Variants in PCDHGB5 observed in about 807,000 individuals in gnomAD.
The protein encoded by PCDHGB5 is protocadherin gamma subfamily B, 5.
PCDHGB5 carries 48 observed loss-of-function variants against 62.9 expected under a neutral mutation model. That is an observed-to-expected ratio of 0.76 (90% CI 0.61 to 0.97). The LOEUF (loss-of-function observed/expected upper bound fraction) is 0.97, where lower values mean the gene tolerates loss of function less well. PCDHGB5 is among the 50% of genes least tolerant of loss of function. PCDHGB5 has a pLI of 0.00. For missense variants in PCDHGB5, 1,118 were observed against 1,198.6 expected, an observed-to-expected ratio of 0.93 and a Z score of 0.99; for synonymous variants, 474 against 511.2, an observed-to-expected ratio of 0.93 and a Z score of 0.98.
chr5:141,462,243 A>C (rs141980823), intron 1 of PCDHGB5, among the ~76,000 whole-genome samples: 70 of 152,368 alleles, frequency 4.6e-4, no homozygotes, highest in African/African-American at 1.6e-3. Flanking sequence ...TACAGGTATG[A>C]GCCACCATGA....
chr5:141,418,906 C>T, intron 1 of PCDHGB5: 1 of 1,613,908 alleles, frequency 6.2e-7, no homozygotes, highest in Non-Finnish European at 8.5e-7. Flanking sequence ...AAATAATCAT[C>T]ACGTCACTCT....
Position 141,431,479 on chromosome 5 carries a change from A to T in PCDHGB5, c.2397+30955A>T. 1 of 1,613,892 alleles carries T rather than the reference A, an allele frequency of 6.2e-7. No individual in the cohort carries two copies. Among genetic ancestry groups the T allele is most frequent in the South Asian group, 1.1e-5 (1 of 91,092 alleles). On this transcript the variant is annotated intron_variant, in intron 1 of 3. Transcript: ENST00000617380. This position sits in a 1 kb window ranked among gnomAD's most constrained non-coding sequence, Gnocchi z 4.8. ...TTCTGGATGCGAACGACAACGCACC[A>T]GCGTTTGCTCAGCCCGAGTACCGCG...
rs1407225048 is a variant in PCDHGB5 at position 141,489,600 on chromosome 5, G to T, written c.2398-5207G>T. On this transcript the variant is annotated intron_variant, in intron 1 of 3. Coordinates refer to ENST00000617380, the MANE Select transcript of PCDHGB5 (RefSeq NM_018925.3). The surrounding 1 kb of genome is among the most constrained non-coding windows in gnomAD (Gnocchi z 4.5). ...ACCCCCTGGAGCTAATCCGTGTAGA[G>T]GTAGAGATCCTGGATCTCAATGACA... The T allele has an allele frequency of 7.4e-6, 12 of 1,613,916 alleles. 1 individual carries two copies. In the South Asian group the frequency reaches 1.2e-4, roughly 16 times the overall value.
chr5:141,487,377 C>T lies in PCDHGB5; in HGVS notation c.2398-7430C>T, dbSNP rs758216933. Reference sequence around the variant, plus strand: ...CCTGCTGGCACCTGTGCCTGTCTCACCAGATCTCGAAGGAGGGAGGGGCTT... The same window carrying T: ...CCTGCTGGCACCTGTGCCTGTCTCATCAGATCTCGAAGGAGGGAGGGGCTT... On this transcript the variant is annotated intron_variant, in intron 1 of 3. Transcript: ENST00000617380. The surrounding 1 kb of genome is among the most constrained non-coding windows in gnomAD (Gnocchi z 5.0). 6.2e-7 allele frequency: 1 copy of T among 1,614,190 alleles called. No homozygotes were observed. Among genetic ancestry groups the T allele is most frequent in the Non-Finnish European group, 8.5e-7 (1 of 1,180,034 alleles).
chr5:141,411,001 C>G lies in PCDHGB5; in HGVS notation c.2397+10477C>G, dbSNP rs2095456042. 1.8e-5 allele frequency: 3 copies of G among 168,822 alleles called. No individual in the cohort carries two copies. The South Asian group carries it at 4.7e-4, about 26-fold the overall frequency. The allele number at this position is 168,822 out of a possible 1,614,324, so 10.5% of individuals were successfully genotyped here. ...CCCAAGTAGCTGGGATTACTGGTGC[C>G]CCTCACCACAGCTAAATTTTTTGTA... On this transcript the variant is annotated intron_variant, in intron 1 of 3. Coordinates refer to ENST00000617380, the MANE Select transcript of PCDHGB5 (RefSeq NM_018925.3).
At chr5:141,492,241 C>T (rs1351937353) in intron 1 of PCDHGB5, among the ~76,000 whole-genome samples, 1 of 152,186 alleles carries the variant, frequency 6.6e-6, no homozygotes, top group African/African-American at 2.4e-5. Flanking sequence ...TGCTGGCCAC[C>T]CCCACGGCCC....
rs776854254 is a variant in PCDHGB5 at position 141,487,285 on chromosome 5, C to T, written c.2398-7522C>T. On this transcript the variant is annotated intron_variant, in intron 1 of 3. Coordinates refer to ENST00000617380, the MANE Select transcript of PCDHGB5 (RefSeq NM_018925.3). This position sits in a 1 kb window ranked among gnomAD's most constrained non-coding sequence, Gnocchi z 5.0. The stretch of plus-strand genomic sequence containing the variant: ...CCCTAGTGGCAATTTGCTTTGTCTC[C>T]TTTGGCTCATTCGTGGCACTACTCT... 8 of 1,614,148 alleles carry T rather than the reference C, an allele frequency of 5.0e-6. No homozygotes were observed. The highest frequency in any genetic ancestry group is 6.8e-6 in the Non-Finnish European group (8 of 1,180,036).
intron 1 of PCDHGB5, chr5:141,403,291 A>T: frequency 6.2e-7 from 1 of 1,613,918 alleles, no homozygotes; most frequent in Non-Finnish European, 8.5e-7. Flanking sequence ...TTGAAGACAG[A>T]GTGAAACTGT....
chr5:141,476,564 C>G lies in PCDHGB5; in HGVS notation c.2398-18243C>G, dbSNP rs2099393821. 1.2e-6 allele frequency: 2 copies of G among 1,614,196 alleles called. No individual in the cohort carries two copies. Among genetic ancestry groups the G allele is most frequent in the South Asian group, 1.1e-5 (1 of 91,086 alleles). ...ATTGGAGATTAGCGAGGCCGTGGCT[C>G]CGGGGACGCGCTTTCCGCTCGAGAG... On this transcript the variant is annotated intron_variant, in intron 1 of 3. Coordinates refer to ENST00000617380, the MANE Select transcript of PCDHGB5 (RefSeq NM_018925.3). This position sits in a 1 kb window ranked among gnomAD's most constrained non-coding sequence, Gnocchi z 7.6.
Position 141,487,323 on chromosome 5 carries a change from G to T in PCDHGB5, c.2398-7484G>T. The T allele has an allele frequency of 6.2e-7, 1 of 1,614,100 alleles. No homozygotes were observed. The highest frequency in any genetic ancestry group is 8.5e-7 in the Non-Finnish European group (1 of 1,180,004). On this transcript the variant is annotated intron_variant, in intron 1 of 3. Coordinates refer to ENST00000617380, the MANE Select transcript of PCDHGB5 (RefSeq NM_018925.3). This position sits in a 1 kb window ranked among gnomAD's most constrained non-coding sequence, Gnocchi z 5.0. ...GTGGCACTACTCTCTAAGTGTCTTC[G>T]TGGGGCAGCCTGTGGAGTCACATGC... is the stretch of plus-strand genomic sequence containing the variant.
chr5:141,450,758 A>G (rs1007910264), intron 1 of PCDHGB5, among the ~76,000 whole-genome samples: 2 of 151,784 alleles, frequency 1.3e-5, no homozygotes, highest in African/African-American at 4.8e-5. Flanking sequence ...AAGTGCCGGG[A>G]TTACAGGCAT....
At chr5:141,438,232 GT>G (rs531572606) in intron 1 of PCDHGB5, among the ~76,000 whole-genome samples, 207 of 152,154 alleles carry the variant, frequency 1.4e-3, no homozygotes, top group Middle Eastern at 0.01. Flanking sequence ...TCAGGAAAAT[GT>G]TTTTAAAAAA....
At chr5:141,444,813 T>A (rs1382814369) in intron 1 of PCDHGB5, among the ~76,000 whole-genome samples, 3 of 152,228 alleles carry the variant, frequency 2.0e-5, no homozygotes, top group African/African-American at 4.8e-5. Flanking sequence ...AATAGCACAC[T>A]GTCTCAATTA....
intron 1 of PCDHGB5, chr5:141,428,437 C>G: frequency 2.5e-6 from 1 of 400,386 alleles, no homozygotes; most frequent in East Asian, 5.4e-5. Flanking sequence ...TAAGACTAGA[C>G]CAGGGGTTTT....
chr5:141,467,015 T>C (rs1423064392), intron 1 of PCDHGB5, among the ~76,000 whole-genome samples: 1 of 152,072 alleles, frequency 6.6e-6, no homozygotes. Flanking sequence ...GCAATTTTTT[T>C]CCCTTTGTTT....
rs1190445239 is a variant in PCDHGB5 at position 141,431,331 on chromosome 5, A to T, written c.2397+30807A>T. 1 of 1,614,062 alleles carries T rather than the reference A, an allele frequency of 6.2e-7. No individual in the cohort carries two copies. The highest frequency in any genetic ancestry group is 1.7e-5 in the Admixed American group (1 of 60,026). On this transcript the variant is annotated intron_variant, in intron 1 of 3. Coordinates refer to ENST00000617380, the MANE Select transcript of PCDHGB5 (RefSeq NM_018925.3). The surrounding 1 kb of genome is among the most constrained non-coding windows in gnomAD (Gnocchi z 4.8). ...CAAAATGGAGCCGACGGTAGTAAGT[A>T]CCCCGAATTGGTGCTGAAACGCGCC...
chr5:141,475,935 C>CCCGT, intron 1 of PCDHGB5: 1 of 669,050 alleles, frequency 1.5e-6, no homozygotes, highest in Middle Eastern at 4.2e-4. Flanking sequence ...CGGGCCCCTG[C>CCCGT]CCGTCCCCTT....
intron 1 of PCDHGB5, chr5:141,421,895 G>T: frequency 2.5e-6 from 4 of 1,613,730 alleles, no homozygotes; most frequent in Non-Finnish European, 3.4e-6. Context: ...GATCCCATCC[G>T]AAAGGGCGCA....
In PCDHGB5 at chr5:141,476,149, A is replaced by T. The variant is rs1042362185; in HGVS notation, c.2398-18658A>T. The stretch of plus-strand genomic sequence containing the variant: ...CAGAGGCCTGGAGGAGCGGACTGGT[A>T]AGCACCGGGAGGGTAGTGGGAGTTT... On this transcript the variant is annotated intron_variant, in intron 1 of 3. Transcript: ENST00000617380. This position sits in a 1 kb window ranked among gnomAD's most constrained non-coding sequence, Gnocchi z 7.6. 4 of 1,611,688 alleles carry T rather than the reference A, an allele frequency of 2.5e-6. No individual in the cohort carries two copies. In the African/African-American group the frequency reaches 5.3e-5, roughly 22 times the overall value.
Sources: gnomAD v4.1 joint callset for allele counts (sites outside exome capture counted in the v4.1 genomes callset) on GRCh38, gnomAD v4.1.1 for gene constraint, Gnocchi (gnomAD v3.1) non-coding constraint, MANE v1.5 for transcripts, NCBI Gene and HGNC (gene_info 2026-07-23, HGNC 2026-07-21) for gene names.